C19orf47: variants seen among roughly 807,000 people sequenced by gnomAD.
The protein encoded by C19orf47 is chromosome 19 open reading frame 47, also known as uncharacterized protein C19orf47.
Under a neutral mutation model 32.3 loss-of-function variants are expected in C19orf47, and 18 were observed. That is an observed-to-expected ratio of 0.56 (90% CI 0.39 to 0.83). C19orf47 has a LOEUF of 0.83. C19orf47 is among the 40% of genes least tolerant of loss of function. The pLI, the probability that C19orf47 is intolerant of heterozygous loss-of-function variation, is 0.00. For synonymous variants in C19orf47, 202 were observed against 211.1 expected (o/e 0.96, Z 0.37); for missense variants, 484 against 531.6 (o/e 0.91, Z 0.88).
chr19:40,334,376 G>C (rs1468471850), intron 4 of C19orf47, among the ~76,000 whole-genome samples: 1 of 152,138 alleles, frequency 6.6e-6, no homozygotes, highest in African/African-American at 2.4e-5. Context: ...TTGAGCCCAG[G>C]AGTTTGAGGC....
chr19:40,313,937 A>C, the C19orf47 span, among the ~76,000 whole-genome samples: 2 of 151,796 alleles, frequency 1.3e-5, no homozygotes, highest in African/African-American at 4.8e-5. Flanking sequence ...TCTCAAAAAA[A>C]AAAAAGGTAT....
chr19:40,317,735 T>C (rs1271948207), downstream of C19orf47, among the ~76,000 whole-genome samples: 1 of 151,922 alleles, frequency 6.6e-6, no homozygotes, highest in Non-Finnish European at 1.5e-5. Context: ...TTTGTTTTTT[T>C]TTTTGAGACA....
chr19:40,316,425 C>T (rs571996765), downstream of C19orf47, among the ~76,000 whole-genome samples: 5 of 152,352 alleles, frequency 3.3e-5, no homozygotes, highest in South Asian at 1.0e-3. Context: ...CTCGCTGCAC[C>T]ACCATCTCCT....
intron 5 of C19orf47, among the ~76,000 whole-genome samples, chr19:40,331,481 C>G (rs983207612): frequency 1.3e-5 from 2 of 152,170 alleles, no homozygotes; most frequent in Admixed American, 6.5e-5. Context: ...GAAATAAACA[C>G]CCATGTTTTA....
chr19:40,325,348 C>G (rs563946112), intron 7 of C19orf47, among the ~76,000 whole-genome samples: 3 of 152,004 alleles, frequency 2.0e-5, no homozygotes, highest in African/African-American at 7.2e-5. Context: ...AAAAACTAGG[C>G]TGAGTGTGGT....
At chr19:40,316,946 C>CTG (rs532127400), downstream of C19orf47, among the ~76,000 whole-genome samples, 757 of 126,490 alleles carry the variant, frequency 6.0e-3, 1 homozygote, top group Middle Eastern at 0.025. Flanking sequence ...TGCTCCTCTG[C>CTG]TGTGTGTGTG....
chr19:40,321,480 C>A lies in C19orf47; in HGVS notation c.*402G>T. 9.9e-7 allele frequency: 1 copy of A among 1,014,052 alleles called. No homozygotes were observed. Among genetic ancestry groups the A allele is most frequent in the Non-Finnish European group, 1.2e-6 (1 of 847,630 alleles). 62.8% of individuals were successfully genotyped at this position (1,014,052 alleles called of 1,614,324 possible). A position where few individuals can be genotyped will look rare whatever the true frequency, so the allele number is the denominator to read the frequency against. On this transcript the variant is annotated 3_prime_UTR_variant, in exon 9 of 9. Coordinates refer to ENST00000683109, the MANE Select transcript of C19orf47 (RefSeq NM_001256441.2). The stretch of plus-strand genomic sequence containing the variant: ...TGGGGAGTGGGGGAAGGGAGGCCCA[C>A]CAGGTGACACCCACTTAGTTGAGGG...
At position 40,333,948 on chromosome 19, in the gene C19orf47, C is replaced by T; in HGVS notation, c.223-19G>A. On this transcript the variant is annotated intron_variant, in intron 4 of 8. Coordinates refer to ENST00000683109, the MANE Select transcript of C19orf47 (RefSeq NM_001256441.2). Reference sequence around the variant, plus strand: ...ACATGTCCTGTGAAAAAAGAACAGGCACCTGGGTCACCACAGAAGAATCAT... The same window carrying T: ...ACATGTCCTGTGAAAAAAGAACAGGTACCTGGGTCACCACAGAAGAATCAT... The T allele has an allele frequency of 6.5e-7, 1 of 1,540,282 alleles. No homozygotes were observed.
chr19:40,333,733 C>T (rs922603766), intron 5 of C19orf47, 118 bp downstream of exon 5: 4 of 754,586 alleles, frequency 5.3e-6, no homozygotes, highest in Middle Eastern at 3.7e-4. Flanking sequence ...AAGAATTCCT[C>T]CAATGGCTTT....
At chr19:40,301,255 T>G in the C19orf47 span, among the ~76,000 whole-genome samples, 5 of 151,948 alleles carry the variant, frequency 3.3e-5, no homozygotes, top group African/African-American at 9.7e-5. Context: ...ACCTACAGTA[T>G]TATAGTGCCA....
At chr19:40,339,539 T>C (rs2011916051) in intron 2 of C19orf47, among the ~76,000 whole-genome samples, 1 of 152,004 alleles carries the variant, frequency 6.6e-6, no homozygotes, top group Non-Finnish European at 1.5e-5. Flanking sequence ...GAAAAGAAAG[T>C]CAACATAGAT....
At chr19:40,346,711 A>T (rs2078298277) in intron 1 of C19orf47, among the ~76,000 whole-genome samples, 3 of 151,604 alleles carry the variant, frequency 2.0e-5, no homozygotes, top group South Asian at 4.2e-4. Context: ...TAGTTTTAGT[A>T]GAGACGGGGT....
the C19orf47 span, among the ~76,000 whole-genome samples, chr19:40,297,241 T>C: frequency 6.6e-6 from 1 of 152,148 alleles, no homozygotes; most frequent in Non-Finnish European, 1.5e-5. Flanking sequence ...GCTTAGATGA[T>C]GGCTGCCTGA....
At chr19:40,333,395 T>C (rs1473339929) in intron 5 of C19orf47, among the ~76,000 whole-genome samples, 1 of 152,076 alleles carries the variant, frequency 6.6e-6, no homozygotes, top group African/African-American at 2.4e-5. Context: ...AAAATGTGTG[T>C]GTGAGATAAG....
At chr19:40,330,450 C>G (rs1005139461) in intron 5 of C19orf47, among the ~76,000 whole-genome samples, 6 of 151,368 alleles carry the variant, frequency 4.0e-5, no homozygotes, top group Non-Finnish European at 7.4e-5. Context: ...CCAGGATGGT[C>G]TCGATCTCTC....
At chr19:40,322,491 T>C in intron 8 of C19orf47, 115 bp from the exon 9 acceptor site, 5 of 1,252,268 alleles carry the variant, frequency 4.0e-6, no homozygotes, top group East Asian at 2.6e-5. Flanking sequence ...GAAACACCCA[T>C]CACTGACACC....
At chr19:40,296,869 G>A in the C19orf47 span, among the ~76,000 whole-genome samples, 3 of 151,714 alleles carry the variant, frequency 2.0e-5, no homozygotes, top group Non-Finnish European at 4.4e-5. Context: ...AGCTGAGATC[G>A]CACCATTGTA....
chr19:40,316,122 C>G (rs1257514724), downstream of C19orf47, among the ~76,000 whole-genome samples: 2 of 152,172 alleles, frequency 1.3e-5, no homozygotes, highest in Non-Finnish European at 2.9e-5. Context: ...ACTTGCCAAA[C>G]TAACTCAGGT....
chr19:40,324,358 G>A, intron 7 of C19orf47: 2 of 478,614 alleles, frequency 4.2e-6, no homozygotes, highest in Non-Finnish European at 7.6e-6. Flanking sequence ...CTTAGTGCCT[G>A]CATGTTCCTT....
Sources: allele counts gnomAD v4.1 joint callset (sites outside exome capture counted in the v4.1 genomes callset), GRCh38; gene constraint gnomAD v4.1.1; transcripts MANE v1.5; gene names NCBI Gene and HGNC (gene_info 2026-07-23, HGNC 2026-07-21).